Variants in PWWP3A observed in about 807,000 individuals in gnomAD.
PWWP3A encodes the protein PWWP domain containing 3A, DNA repair factor, also known as PWWP domain-containing DNA repair factor 3A.
In PWWP3A, 53 loss-of-function variants were observed where a neutral mutation model predicts 79.0. The ratio of observed to expected loss-of-function variants is 0.67; its 90% CI spans 0.54 to 0.84. The LOEUF is 0.84. PWWP3A is among the 40% of genes least tolerant of loss of function. The pLI, the probability that PWWP3A is intolerant of heterozygous loss-of-function variation, is 0.00. For synonymous variants in PWWP3A, 443 were observed against 394.4 expected (o/e 1.12, Z -1.46); for missense variants, 973 against 948.0 (o/e 1.03, Z -0.35).
At chr19:1,358,982 G>A (rs1333834972) in intron 4 of PWWP3A, 9 of 315,746 alleles carry the variant, frequency 2.9e-5, no homozygotes, top group Non-Finnish European at 5.8e-5. Context: ...TGGGGGGCAC[G>A]AGGCAGGTCG....
At chr19:1,375,536 T>TATAAAATATATA (rs1568965316) in intron 13 of PWWP3A, among the ~76,000 whole-genome samples, 2 of 97,194 alleles carry the variant, frequency 2.1e-5, no homozygotes, top group Non-Finnish European at 3.9e-5. Context: ...AATTTATATA[T>TATAAAATATATA]TTTATATATA....
Position 1,369,514 on chromosome 19 carries a change from G to A in PWWP3A, c.1499-82G>A. The A allele has an allele frequency of 6.4e-7, 1 of 1,559,830 alleles. No individual in the cohort carries two copies. The highest frequency in any genetic ancestry group is 8.8e-7 in the Non-Finnish European group (1 of 1,131,708). On this transcript the variant is annotated intron_variant, in intron 10 of 13. Coordinates refer to ENST00000591337, the MANE Select transcript of PWWP3A (RefSeq NM_001369789.1). This position sits in a 1 kb window ranked among gnomAD's most constrained non-coding sequence, Gnocchi z 4.0. ...CTGGCCTGATTATTTCCTAAACAGA[G>A]ACGCCGGGCCAGCCCCTGGAACACA...
In PWWP3A at chr19:1,366,392, G is replaced by A. The variant is rs1568944165; in HGVS notation, c.1361+11G>A. ...CCCGAAAATGAAAGGGTAACCCGCTGTTCTTGGTTTCTGTGAATGGGCCTG... is the reference window on the plus strand; with the variant it reads ...CCCGAAAATGAAAGGGTAACCCGCTATTCTTGGTTTCTGTGAATGGGCCTG... On this transcript the variant is annotated intron_variant, in intron 8 of 13. Transcript: ENST00000591337. 28 of 1,613,822 alleles carry A rather than the reference G, an allele frequency of 1.7e-5. No homozygotes were observed. The highest frequency in any genetic ancestry group is 2.2e-5 in the Non-Finnish European group (26 of 1,179,660).
intron 12 of PWWP3A, 135 bp from the exon 13 acceptor site, chr19:1,372,937 T>G: frequency 1.5e-6 from 1 of 665,944 alleles, no homozygotes; most frequent in South Asian, 1.8e-5. Context: ...GGTTTGCACC[T>G]TCTGAACCAT....
chr19:1,376,463 A>C, intron 13 of PWWP3A, 56 bp from the exon 14 acceptor site: 1 of 1,581,770 alleles, frequency 6.3e-7, no homozygotes, highest in Non-Finnish European at 8.7e-7. Flanking sequence ...CCTCTCTCTC[A>C]TATTCTTTAA....
chr19:1,364,885 G>A (rs909789561), intron 7 of PWWP3A, among the ~76,000 whole-genome samples: 12 of 152,166 alleles, frequency 7.9e-5, no homozygotes, highest in Admixed American at 1.3e-4. Flanking sequence ...TTGGGAGGCC[G>A]AAGTGGGTGG....
Position 1,369,131 on chromosome 19 carries a change from G to T in PWWP3A, c.1423-134G>T. 1.4e-6 allele frequency: 1 copy of T among 727,246 alleles called. No individual in the cohort carries two copies. Among genetic ancestry groups the T allele is most frequent in the South Asian group, 1.7e-5 (1 of 59,604 alleles). The allele number at this position is 727,246 out of a possible 1,614,324, so 45.0% of individuals were successfully genotyped here. ...GCGTCTGCCAGAGCCCCCTTTGTCA[G>T]GGAGGGTCAGAGGTGCGGGCTGGAG... On this transcript the variant is annotated intron_variant, in intron 9 of 13. Coordinates refer to ENST00000591337, the MANE Select transcript of PWWP3A (RefSeq NM_001369789.1). The surrounding 1 kb of genome is among the most constrained non-coding windows in gnomAD (Gnocchi z 4.0).
intron 12 of PWWP3A, chr19:1,372,854 C>T (rs2082291180): frequency 3.8e-6 from 2 of 527,894 alleles, no homozygotes; most frequent in Non-Finnish European, 6.7e-6. Flanking sequence ...GTGATCTGAG[C>T]TATTGTGTCT....
Position 1,357,380 on chromosome 19 carries a change from G to T in PWWP3A, c.143+286G>T, listed in dbSNP as rs375099853. 7 of 203,190 alleles carry T rather than the reference G, an allele frequency of 3.4e-5. No individual in the cohort carries two copies. In the South Asian group the frequency reaches 7.5e-4, roughly 22 times the overall value. 12.6% of individuals were successfully genotyped at this position (203,190 alleles called of 1,614,324 possible). A position where few individuals can be genotyped will look rare whatever the true frequency, so the allele number is the denominator to read the frequency against. On this transcript the variant is annotated intron_variant, in intron 3 of 13. Transcript: ENST00000591337. ...ATACTCAGGGTAGACCCTATTTGTGGTTAAAATAGGGATATTTCCTTTTTT... is the reference window on the plus strand; with the variant it reads ...ATACTCAGGGTAGACCCTATTTGTGTTTAAAATAGGGATATTTCCTTTTTT...
intron 13 of PWWP3A, among the ~76,000 whole-genome samples, chr19:1,374,989 G>A (rs1443649165): frequency 1.3e-5 from 2 of 151,872 alleles, no homozygotes; most frequent in African/African-American, 2.4e-5. Flanking sequence ...GGGAGGCCGA[G>A]GCAGGTGGAT....
rs1199903694 is a variant in PWWP3A, at chr19:1,376,577, G to A, written c.*1G>A. ...AGAGCGGAACCGGCGCCGTCGGTGA[G>A]GGAGCAGCCGGCTGTGCTGTCAGCG... On this transcript the variant is annotated 3_prime_UTR_variant, in exon 14 of 14. Transcript: ENST00000591337. 4 of 1,613,368 alleles carry A rather than the reference G, an allele frequency of 2.5e-6. No homozygotes were observed.
chr19:1,359,082 A>G lies in PWWP3A; in HGVS notation c.214+618A>G. ...CCACCTCCTTTGCACACTGTGGGTG[A>G]GAAAAGCTTTGCCTGAGTCCAGCCG... On this transcript the variant is annotated intron_variant, in intron 4 of 13. Coordinates refer to ENST00000591337, the MANE Select transcript of PWWP3A (RefSeq NM_001369789.1). 3 of 224,056 alleles carry G rather than the reference A, an allele frequency of 1.3e-5. No homozygotes were observed. In the South Asian group the frequency reaches 2.1e-4, roughly 15 times the overall value. 13.9% of individuals were successfully genotyped at this position (224,056 alleles called of 1,614,324 possible).
At chr19:1,364,397 T>A (rs56145567) in intron 6 of PWWP3A, 112 bp from the exon 7 acceptor site, 29 of 780,780 alleles carry the variant, frequency 3.7e-5, no homozygotes, top group African/African-American at 5.2e-5. Flanking sequence ...CAAAGTCAGG[T>A]TTTAACAATA....
rs753125041 is a variant in PWWP3A, at chr19:1,360,331, C to T, written c.410C>T (p.Ser137Phe). The change falls in exon 5 of 14, where the codon TCT becomes TTT. Residue 137 changes from serine to phenylalanine, a missense_variant. By Grantham distance (155) the Ser-to-Phe change is radical. Transcript: ENST00000591337. The surrounding 1 kb of genome is among the most constrained non-coding windows in gnomAD (Gnocchi z 4.4). ...TCGCCCTGTGATTCGAACTCCTCAT[C>T]TCTTCCCCGCGGAGACGTGTTGGGC... ...VSSPCDSNSS[S>F]LPRGDVLGSS... 2 of 1,614,068 alleles carry T rather than the reference C, an allele frequency of 1.2e-6. No homozygotes were observed. The highest frequency in any genetic ancestry group is 2.2e-5 in the East Asian group (1 of 44,886).
In PWWP3A at chr19:1,377,737, C is replaced by G. The variant is rs571330215; in HGVS notation, c.*1161C>G. 6.6e-6 allele frequency: 1 copy of G among 152,578 alleles called. No homozygotes were observed. The highest frequency in any genetic ancestry group is 2.1e-4 in the South Asian group (1 of 4,836). 9.5% of individuals were successfully genotyped at this position (152,578 alleles called of 1,614,324 possible). A position where few individuals can be genotyped will look rare whatever the true frequency, so the allele number is the denominator to read the frequency against. On this transcript the variant is annotated 3_prime_UTR_variant, in exon 14 of 14. Coordinates refer to ENST00000591337, the MANE Select transcript of PWWP3A (RefSeq NM_001369789.1). ...TGGTGACATGTCCAGGGTTCCAGGGCCCGGTGGCCTGGGAGCTGCTTTCTC... is the reference window on the plus strand; with the variant it reads ...TGGTGACATGTCCAGGGTTCCAGGGGCCGGTGGCCTGGGAGCTGCTTTCTC...
At position 1,369,771 on chromosome 19, in the gene PWWP3A, A is replaced by G. The variant is rs868744248; in HGVS notation, c.1549+125A>G. ...AAGGCACTGTCCGCAGCCACACAGC[A>G]TTGTTCAACCTCTATGAGGTTTTGA... On this transcript the variant is annotated intron_variant, in intron 11 of 13. Transcript: ENST00000591337. This position sits in a 1 kb window ranked among gnomAD's most constrained non-coding sequence, Gnocchi z 4.0. 43 of 1,089,186 alleles carry G rather than the reference A, an allele frequency of 3.9e-5. 1 individual carries two copies. In the Middle Eastern group the frequency reaches 6.0e-4, roughly 15 times the overall value. 67.5% of individuals were successfully genotyped at this position (1,089,186 alleles called of 1,614,324 possible). A position where few individuals can be genotyped will look rare whatever the true frequency, so the allele number is the denominator to read the frequency against.
At chr19:1,371,213 C>T (rs2144755492) in intron 12 of PWWP3A, 135 bp downstream of exon 12, 1 of 963,392 alleles carries the variant, frequency 1.0e-6, no homozygotes, top group Non-Finnish European at 1.6e-6. Context: ...GTGGAGGCCT[C>T]CTGTGTTTAC....
chr19:1,361,068 G>T, intron 5 of PWWP3A, 36 bp downstream of exon 5: 1 of 1,404,792 alleles, frequency 7.1e-7, no homozygotes, highest in Non-Finnish European at 9.3e-7. Flanking sequence ...AGCGCAGAGG[G>T]TGGAGTCCTG....
In PWWP3A at chr19:1,377,506, C is replaced by G. The variant is rs559663860; in HGVS notation, c.*930C>G. Reference sequence around the variant, plus strand: ...TTGTATGGAGGCCCAACCGCGCTCCCGTCTGGAGAAGCGGCTTCCGGGGTG... The same window carrying G: ...TTGTATGGAGGCCCAACCGCGCTCCGGTCTGGAGAAGCGGCTTCCGGGGTG... On this transcript the variant is annotated 3_prime_UTR_variant, in exon 14 of 14. Transcript: ENST00000591337. The G allele has an allele frequency of 6.6e-6, 1 of 152,414 alleles. No homozygotes were observed. The highest frequency in any genetic ancestry group is 1.5e-5 in the Non-Finnish European group (1 of 68,186). 9.4% of individuals were successfully genotyped at this position (152,414 alleles called of 1,614,324 possible). A position where few individuals can be genotyped will look rare whatever the true frequency, so the allele number is the denominator to read the frequency against.
Sources: gnomAD v4.1 joint callset for allele counts (sites outside exome capture counted in the v4.1 genomes callset) on GRCh38, gnomAD v4.1.1 for gene constraint, Gnocchi (gnomAD v3.1) non-coding constraint, MANE v1.5 for transcripts, NCBI Gene and HGNC (gene_info 2026-07-23, HGNC 2026-07-21) for gene names.